The following SERINC1 variants were observed in gnomAD, a reference collection of about 807,000 sequenced individuals.
SERINC1 encodes the protein tumor differentially expressed protein 2.
SERINC1 carries 38 observed loss-of-function variants against 52.9 expected under a neutral mutation model. The observed-to-expected ratio is 0.72, with a 90% CI of 0.55 to 0.94. The LOEUF is 0.94. Ranked by LOEUF, SERINC1 falls within the 40% of genes least tolerant of loss-of-function variation. The pLI is 0.00. For synonymous variants in SERINC1, 198 were observed against 183.1 expected, an observed-to-expected ratio of 1.08 and a Z score of -0.66; for missense variants, 471 against 533.9, an observed-to-expected ratio of 0.88 and a Z score of 1.16.
At chr6:122,464,314 T>A (rs1353586005) in intron 1 of SERINC1, among the ~76,000 whole-genome samples, 1 of 152,082 alleles carries the variant, frequency 6.6e-6, no homozygotes, top group Non-Finnish European at 1.5e-5. Flanking sequence ...AATAAATGAA[T>A]TAAAGGATAT....
chr6:122,468,037 T>G lies in SERINC1; in HGVS notation c.39+3662A>C, dbSNP rs149100232. Among the ~76,000 whole-genome samples, 583 of 152,338 alleles carry G rather than the reference T, an allele frequency of 3.8e-3. 5 individuals are homozygous for G. The highest frequency in any genetic ancestry group is 0.013 in the African/African-American group (526 of 41,584). On this transcript the variant is annotated intron_variant, in intron 1 of 9. Coordinates refer to ENST00000339697, the MANE Select transcript of SERINC1 (RefSeq NM_020755.4). ...AAGGGAGGAAATGGGAGTGGTATACTATTTTTCTTAAGCGCATAGAGAAGT... is the reference window on the plus strand; with the variant it reads ...AAGGGAGGAAATGGGAGTGGTATACGATTTTTCTTAAGCGCATAGAGAAGT...
In SERINC1 at chr6:122,445,176, A is replaced by G. The variant is rs1296480427; in HGVS notation, c.1230T>C (p.Tyr410=). ...GACTTTTCATCTCACGAGAGGGTTC[A>G]TACCTAAAATTTCAGGGAAAATTAT... ...IMMTLTNWYR[Y]EPSREMKSQW... The change falls in exon 10 of 10, where the codon TAT becomes TAC. Residue 410 remains tyrosine (Y), a synonymous_variant. Transcript: ENST00000339697. The G allele has an allele frequency of 5.0e-6, 8 of 1,610,008 alleles. No homozygotes were observed. The highest frequency in any genetic ancestry group is 6.8e-6 in the Non-Finnish European group (8 of 1,179,064).
At chr6:122,447,373 T>C (rs1774824745) in intron 7 of SERINC1, 108 bp from the exon 8 acceptor site, 4 of 803,020 alleles carry the variant, frequency 5.0e-6, no homozygotes, top group East Asian at 2.5e-5. Context: ...TGAGAAACAA[T>C]TGCTGGAAAA....
chr6:122,454,868 TGTGA>T (rs918564509), intron 3 of SERINC1, among the ~76,000 whole-genome samples: 5 of 152,032 alleles, frequency 3.3e-5, no homozygotes, highest in Admixed American at 2.6e-4. Flanking sequence ...CTGTAATTGT[TGTGA>T]GTACTTCCTC....
chr6:122,462,795 T>A (rs1775126623), intron 1 of SERINC1, among the ~76,000 whole-genome samples: 1 of 152,080 alleles, frequency 6.6e-6, no homozygotes, highest in Non-Finnish European at 1.5e-5. Flanking sequence ...AGATCTCAAA[T>A]AATGAAAACT....
chr6:122,464,377 CAA>C (rs1775152761), intron 1 of SERINC1, among the ~76,000 whole-genome samples: 2 of 151,986 alleles, frequency 1.3e-5, no homozygotes, highest in African/African-American at 2.4e-5. Context: ...ATCTGTGCAT[CAA>C]AAGAGCACAC....
At chr6:122,461,482 G>T (rs1039743287) in intron 1 of SERINC1, among the ~76,000 whole-genome samples, 8 of 146,770 alleles carry the variant, frequency 5.5e-5, no homozygotes, top group African/African-American at 2.0e-4. Context: ...CACAGGAAGG[G>T]GAATATCATA....
At chr6:122,470,478 T>C (rs1582639949) in intron 1 of SERINC1, among the ~76,000 whole-genome samples, 1 of 152,226 alleles carries the variant, frequency 6.6e-6, no homozygotes, top group African/African-American at 2.4e-5. Flanking sequence ...AACAATCTTA[T>C]ATGATAATCA....
intron 1 of SERINC1, among the ~76,000 whole-genome samples, chr6:122,469,065 A>C (rs1349476695): frequency 1.3e-5 from 2 of 152,188 alleles, no homozygotes; most frequent in Non-Finnish European, 2.9e-5. Flanking sequence ...ACAACCATGC[A>C]TGAATAAAAA....
intron 6 of SERINC1, 41 bp from the exon 7 acceptor site, chr6:122,451,795 A>ATATG (rs779818080): frequency 2.5e-5 from 13 of 528,704 alleles, no homozygotes; most frequent in Admixed American, 1.9e-4. Context: ...ATATATATAT[A>ATATG]GCAACACAGG....
intron 1 of SERINC1, 31 bp from the exon 2 acceptor site, chr6:122,458,712 T>C (rs748750937): frequency 1.4e-6 from 2 of 1,469,968 alleles, no homozygotes; most frequent in South Asian, 2.5e-5. Flanking sequence ...GAAAATATTA[T>C]TAAGAATCAG....
chr6:122,452,083 T>A, intron 5 of SERINC1, 26 bp from the exon 6 acceptor site: 2 of 1,382,022 alleles, frequency 1.4e-6, no homozygotes, highest in Non-Finnish European at 1.9e-6. Context: ...AATTGGATAA[T>A]TAGCTTTTTA....
chr6:122,450,383 C>A (rs1439248634), intron 7 of SERINC1, among the ~76,000 whole-genome samples: 1 of 152,186 alleles, frequency 6.6e-6, no homozygotes, highest in Non-Finnish European at 1.5e-5. Flanking sequence ...CTAAAAGATC[C>A]TTTCAAAATA....
chr6:122,469,136 C>G (rs1005240966), intron 1 of SERINC1, among the ~76,000 whole-genome samples: 2 of 152,088 alleles, frequency 1.3e-5, no homozygotes, highest in African/African-American at 4.8e-5. Context: ...TAGCAGCAAA[C>G]AAAAAGTGAA....
chr6:122,446,045 TGA>T (rs926603508), intron 9 of SERINC1, among the ~76,000 whole-genome samples: 63 of 152,042 alleles, frequency 4.1e-4, no homozygotes, highest in African/African-American at 1.5e-3. Context: ...TTGCTGATAC[TGA>T]GAGCCGCCTT....
At chr6:122,471,178 TGC>T (rs1173583267) in intron 1 of SERINC1, among the ~76,000 whole-genome samples, 6 of 152,032 alleles carry the variant, frequency 3.9e-5, no homozygotes. Context: ...TTAGCATTAC[TGC>T]CAGGCGGTTC....
chr6:122,445,883 C>CCAA (rs1774786410), intron 9 of SERINC1, among the ~76,000 whole-genome samples: 1 of 62,836 alleles, frequency 1.6e-5, no homozygotes, highest in Non-Finnish European at 2.8e-5. Flanking sequence ...GACTCCATTT[C>CCAA]AAAAAAAAAA....
chr6:122,449,445 G>T (rs1774866591), intron 7 of SERINC1, among the ~76,000 whole-genome samples: 1 of 152,206 alleles, frequency 6.6e-6, no homozygotes, highest in South Asian at 2.1e-4. Flanking sequence ...ATATGGAGGA[G>T]AAAGTTTTAG....
At position 122,454,370 on chromosome 6, in the gene SERINC1, G is replaced by C. The variant is rs543554177; in HGVS notation, c.372-140C>G. ...TTCTTTCTGAGGATATTATGATCTG[G>C]AGTGTAGCCATATTTGTAACTACAA... On this transcript the variant is annotated intron_variant, in intron 3 of 9. Transcript: ENST00000339697. 936 of 581,980 alleles carry C rather than the reference G, an allele frequency of 1.6e-3. 1 individual carries two copies. Among genetic ancestry groups the C allele is most frequent in the Non-Finnish European group, 2.3e-3 (756 of 327,548 alleles). 36.1% of individuals were successfully genotyped at this position (581,980 alleles called of 1,614,324 possible).
Sources: gnomAD v4.1 joint callset for allele counts (sites outside exome capture counted in the v4.1 genomes callset) on GRCh38, gnomAD v4.1.1 for gene constraint, MANE v1.5 for transcripts, NCBI Gene and HGNC (gene_info 2026-07-23, HGNC 2026-07-21) for gene names.